The following PPP2R2D variants were observed in gnomAD, a reference collection of about 807,000 sequenced individuals.
PPP2R2D encodes the protein protein phosphatase 2 regulatory subunit Bdelta, also known as serine/threonine-protein phosphatase 2A 55 kDa regulatory subunit B delta isoform.
Under a neutral mutation model 31.1 loss-of-function variants are expected in PPP2R2D, and 9 were observed. That is an observed-to-expected ratio of 0.29 (90% CI 0.17 to 0.51). PPP2R2D has a LOEUF of 0.51. Among genes scored for constraint, PPP2R2D ranks in the 20% least tolerant of loss-of-function variants. PPP2R2D has a pLI of 0.98. For missense variants in PPP2R2D, 391 were observed against 465.6 expected (o/e 0.84, Z 1.48); for synonymous variants, 179 against 172.6 (o/e 1.04, Z -0.29).
chr10:131,934,868 G>A (rs1192891748), intron 3 of PPP2R2D: 2 of 472,588 alleles, frequency 4.2e-6, no homozygotes, highest in Non-Finnish European at 8.4e-6. Flanking sequence ...GGCTCTCTCT[G>A]AAAATCCCTT....
chr10:131,941,720 G>A (rs2036445439), intron 5 of PPP2R2D, among the ~76,000 whole-genome samples: 1 of 152,174 alleles, frequency 6.6e-6, no homozygotes, highest in Non-Finnish European at 1.5e-5. Context: ...CCTAACACAT[G>A]TGCCTCTGGG....
At chr10:131,960,035 C>G (rs555123863), downstream of PPP2R2D, among the ~76,000 whole-genome samples, 1 of 152,210 alleles carries the variant, frequency 6.6e-6, no homozygotes, top group Non-Finnish European at 1.5e-5. Context: ...CTGGAGGTGT[C>G]GTCACCTAGC....
chr10:131,917,794 C>G lies in PPP2R2D; in HGVS notation c.100+16464C>G, dbSNP rs1331498535. Among the ~76,000 whole-genome samples, 8 of 108,906 alleles carry G rather than the reference C, an allele frequency of 7.3e-5. 1 individual carries two copies. Among genetic ancestry groups the G allele is most frequent in the Admixed American group, 3.6e-4 (4 of 11,194 alleles). 71.4% of individuals were successfully genotyped at this position (108,906 alleles called of 152,430 possible). A position where few individuals can be genotyped will look rare whatever the true frequency, so the allele number is the denominator to read the frequency against. ...GGAATGACACAGTGTAGGGACCTCACGTGGGTGGAATGACACAGTGTAGGG... is the reference window on the plus strand; with the variant it reads ...GGAATGACACAGTGTAGGGACCTCAGGTGGGTGGAATGACACAGTGTAGGG... On this transcript the variant is annotated intron_variant, in intron 2 of 8. Coordinates refer to ENST00000455566, the MANE Select transcript of PPP2R2D (RefSeq NM_018461.5).
chr10:131,939,977 A>AT (rs2119840311), intron 3 of PPP2R2D, 54 bp from the exon 4 acceptor site: 1 of 508,564 alleles, frequency 2.0e-6, no homozygotes, highest in East Asian at 3.0e-5. Context: ...TAGTACTGAA[A>AT]TTTTCTCTAC....
At chr10:131,937,092 A>G (rs1462438597) in intron 3 of PPP2R2D, among the ~76,000 whole-genome samples, 11 of 152,216 alleles carry the variant, frequency 7.2e-5, no homozygotes, top group Admixed American at 5.9e-4. Context: ...GCGTCTTAGA[A>G]TCGAAGGAGC....
chr10:131,961,727 G>A (rs7921418), downstream of PPP2R2D, among the ~76,000 whole-genome samples: 38,575 of 152,056 alleles, frequency 0.25, 5,021 homozygotes, highest in African/African-American at 0.3. Context: ...GTGCTCTGGC[G>A]CCAGCACCCA....
intron 2 of PPP2R2D, among the ~76,000 whole-genome samples, chr10:131,909,863 T>C (rs1417733389): frequency 6.6e-6 from 1 of 152,254 alleles, no homozygotes; most frequent in African/African-American, 2.4e-5. Flanking sequence ...ATCTACTACA[T>C]GTTAACATAA....
chr10:131,932,191 A>G (rs1344855245), intron 2 of PPP2R2D, among the ~76,000 whole-genome samples: 1 of 152,062 alleles, frequency 6.6e-6, no homozygotes, highest in African/African-American at 2.4e-5. Context: ...GCACAGCCAG[A>G]CAGCCAGCTG....
chr10:131,904,832 T>G (rs2035557210), intron 2 of PPP2R2D, among the ~76,000 whole-genome samples: 1 of 152,192 alleles, frequency 6.6e-6, no homozygotes, highest in Non-Finnish European at 1.5e-5. Flanking sequence ...CACTCCTGAC[T>G]TTGGAGGTCA....
downstream of PPP2R2D, among the ~76,000 whole-genome samples, chr10:131,964,764 C>T (rs910645486): frequency 6.8e-6 from 1 of 147,692 alleles, no homozygotes; most frequent in Non-Finnish European, 1.5e-5. Flanking sequence ...TTCAGTATGG[C>T]TTTATTATTT....
At chr10:131,910,261 G>T (rs1378329488) in intron 2 of PPP2R2D, among the ~76,000 whole-genome samples, 1 of 152,148 alleles carries the variant, frequency 6.6e-6, no homozygotes, top group Non-Finnish European at 1.5e-5. Flanking sequence ...ACATCACACG[G>T]GGGTTGTTTG....
At chr10:131,921,623 G>A (rs1554894262) in intron 2 of PPP2R2D, among the ~76,000 whole-genome samples, 3 of 152,164 alleles carry the variant, frequency 2.0e-5, no homozygotes, top group Non-Finnish European at 4.4e-5. Context: ...AGGGCAGTGA[G>A]GATTCAAAAC....
At chr10:131,934,437 G>A (rs375570240) in intron 2 of PPP2R2D, 21 bp from the exon 3 acceptor site, 55 of 761,134 alleles carry the variant, frequency 7.2e-5, no homozygotes, top group South Asian at 6.3e-4. Context: ...CCGGTAAATC[G>A]CTTCTGTATT....
At chr10:131,904,877 GT>G (rs1176650385) in intron 2 of PPP2R2D, among the ~76,000 whole-genome samples, 2 of 152,100 alleles carry the variant, frequency 1.3e-5, no homozygotes, top group African/African-American at 4.8e-5. Context: ...TTTGGTTTTT[GT>G]TTTGATTTCT....
chr10:131,967,194 G>C, the PPP2R2D span: 1 of 152,054 alleles, frequency 6.6e-6, no homozygotes, highest in African/African-American at 2.4e-5. Context: ...GTTTCACTCA[G>C]AGTTCAGCCA....
At chr10:131,964,334 TTTTTG>T (rs1238377535), downstream of PPP2R2D, among the ~76,000 whole-genome samples, 24 of 152,286 alleles carry the variant, frequency 1.6e-4, no homozygotes, top group East Asian at 3.9e-4. Context: ...TTGTGTTTTT[TTTTTG>T]TTTTGTTTTT....
rs1450195427 is a variant in PPP2R2D at position 131,945,199 on chromosome 10, T to C, written c.656-96T>C. 1.6e-5 allele frequency: 23 copies of C among 1,409,646 alleles called. No homozygotes were observed. In the Admixed American group the frequency reaches 2.5e-4, roughly 15 times the overall value. 87.3% of individuals were successfully genotyped at this position (1,409,646 alleles called of 1,614,324 possible). On this transcript the variant is annotated intron_variant, in intron 6 of 8. Transcript: ENST00000455566. This position sits in a 1 kb window ranked among gnomAD's most constrained non-coding sequence, Gnocchi z 4.8. ...TAATAGCTAATCCCTTAAACCTCAC[T>C]GCGTGGATTATTTGGCGTCCTATTT...
intron 8 of PPP2R2D, among the ~76,000 whole-genome samples, chr10:131,951,857 T>C (rs540053263): frequency 2.6e-5 from 4 of 152,242 alleles, no homozygotes; most frequent in African/African-American, 7.2e-5. Flanking sequence ...AAAATATAAA[T>C]GTGTGTGGGG....
In PPP2R2D at chr10:131,959,534, A is replaced by G. The variant is rs2036894478; in HGVS notation, c.*3571A>G. On this transcript the variant is annotated 3_prime_UTR_variant, in exon 9 of 9. Coordinates refer to ENST00000455566, the MANE Select transcript of PPP2R2D (RefSeq NM_018461.5). Reference sequence around the variant, plus strand: ...GTGGAGGTGAAGGTGTGTGCTGATTACTAATCCACATGGGCAAGAACAGGA... The same window carrying G: ...GTGGAGGTGAAGGTGTGTGCTGATTGCTAATCCACATGGGCAAGAACAGGA... 6.2e-6 allele frequency: 1 copy of G among 161,418 alleles called. No individual in the cohort carries two copies. Among genetic ancestry groups the G allele is most frequent in the South Asian group, 1.6e-4 (1 of 6,246 alleles). The allele number at this position is 161,418 out of a possible 1,614,324, so 10.0% of individuals were successfully genotyped here. A position where few individuals can be genotyped will look rare whatever the true frequency, so the allele number is the denominator to read the frequency against.
Sources: gnomAD v4.1 joint callset for allele counts (sites outside exome capture counted in the v4.1 genomes callset) on GRCh38, gnomAD v4.1.1 for gene constraint, Gnocchi (gnomAD v3.1) non-coding constraint, MANE v1.5 for transcripts, NCBI Gene and HGNC (gene_info 2026-07-23, HGNC 2026-07-21) for gene names.